Variants in BTBD3 observed in about 807,000 individuals in gnomAD.
BTBD3 encodes BTB domain containing 3, also known as BTB/POZ domain-containing protein 3.
BTBD3 carries 14 observed loss-of-function variants against 41.6 expected under a neutral mutation model. The observed-to-expected ratio is 0.34, with a 90% CI of 0.22 to 0.53. BTBD3 has a LOEUF of 0.53. BTBD3 is among the 20% of genes least tolerant of loss of function. The probability of loss-of-function intolerance (pLI) is 0.95; values close to 1 mark genes in which losing one functional copy is unlikely to be tolerated. For synonymous variants in BTBD3, 249 were observed against 233.7 expected, an observed-to-expected ratio of 1.07 and a Z score of -0.60; for missense variants, 426 against 654.7, an observed-to-expected ratio of 0.65 and a Z score of 3.81.
At chr20:11,920,305 C>A (rs934455030) in intron 3 of BTBD3, among the ~76,000 whole-genome samples, 1 of 152,140 alleles carries the variant, frequency 6.6e-6, no homozygotes, top group Non-Finnish European at 1.5e-5. Context: ...AACTTACCAT[C>A]TGTTGAAATA....
intron 1 of BTBD3, among the ~76,000 whole-genome samples, chr20:11,900,857 G>A (rs907843394): frequency 2.6e-5 from 4 of 151,812 alleles, no homozygotes; most frequent in East Asian, 1.9e-4. Context: ...ATAGGTGCCC[G>A]CCACCATGCC....
At position 11,923,201 on chromosome 20, in the gene BTBD3, G is replaced by A. The variant is rs1307846294; in HGVS notation, c.1104G>A (p.Lys368=). The A allele has an allele frequency of 3.1e-6, 5 of 1,614,220 alleles. No individual in the cohort carries two copies. The East Asian group carries it at 8.9e-5, about 29-fold the overall frequency. The part of the protein sequence containing the change: ...PELQFVSKAR[K]GLVPQRCHRF... ...TTCAGTTTGTGAGTAAAGCCCGTAA[G>A]GGCCTTGTCCCCCAGCGCTGTCACC... The change falls in exon 4 of 4, where the codon AAG becomes AAA. Residue 368 remains lysine (K), a synonymous_variant. Coordinates refer to ENST00000378226, the MANE Select transcript of BTBD3 (RefSeq NM_014962.4). The surrounding 1 kb of genome is among the most constrained non-coding windows in gnomAD (Gnocchi z 5.3).
chr20:11,904,778 G>C (rs2056843709), intron 1 of BTBD3, among the ~76,000 whole-genome samples: 1 of 152,172 alleles, frequency 6.6e-6, no homozygotes, highest in Non-Finnish European at 1.5e-5. Context: ...GATGATTGTG[G>C]ATATTTGATA....
At chr20:11,904,506 C>T (rs938230904) in intron 1 of BTBD3, among the ~76,000 whole-genome samples, 1 of 152,116 alleles carries the variant, frequency 6.6e-6, no homozygotes, top group Admixed American at 6.5e-5. Flanking sequence ...TACAATTACG[C>T]TTACGATAAA....
intron 3 of BTBD3, 22 bp from the exon 4 acceptor site, chr20:11,922,612 A>G (rs1373946696): frequency 1.9e-6 from 3 of 1,576,828 alleles, no homozygotes; most frequent in Non-Finnish European, 1.7e-6. Flanking sequence ...AATTCCACTT[A>G]CATGTTATGT....
At chr20:11,905,431 TTACTC>T (rs1158452574) in intron 1 of BTBD3, among the ~76,000 whole-genome samples, 1 of 152,186 alleles carries the variant, frequency 6.6e-6, no homozygotes, top group Non-Finnish European at 1.5e-5. Flanking sequence ...TTAAAAGTGT[TTACTC>T]AACAGCTGAA....
At chr20:11,897,616 A>G (rs748478912) in intron 1 of BTBD3, among the ~76,000 whole-genome samples, 10 of 151,812 alleles carry the variant, frequency 6.6e-5, no homozygotes, top group Admixed American at 2.6e-4. Flanking sequence ...CAGTTTAACT[A>G]CTTTTCCCAT....
chr20:11,920,468 T>C (rs899860860), intron 3 of BTBD3, among the ~76,000 whole-genome samples: 1 of 152,192 alleles, frequency 6.6e-6, no homozygotes, highest in Admixed American at 6.5e-5. Context: ...AGAAGAACTT[T>C]CATTGGTAAT....
At chr20:11,916,231 A>T (rs2056917074), upstream of BTBD3, among the ~76,000 whole-genome samples, 1 of 152,224 alleles carries the variant, frequency 6.6e-6, no homozygotes, top group African/African-American at 2.4e-5. Context: ...GAAGTGGTCA[A>T]GGAAGTTCAG....
chr20:11,919,162 T>A lies in BTBD3; in HGVS notation c.403T>A (p.Leu135Met). 1 of 1,613,728 alleles carries A rather than the reference T, an allele frequency of 6.2e-7. No homozygotes were observed. The highest frequency in any genetic ancestry group is 1.1e-5 in the South Asian group (1 of 91,012). Residue 135 changes from leucine (L) to methionine (M), a missense_variant, in exon 2 of 4, where the codon TTG (leucine) becomes ATG (methionine). Physicochemically the swap from Leu to Met is conservative, Grantham distance 15. Around this residue, in one of 3 missense-constraint regions of BTBD3, gnomAD observed 321 missense variants for 534.8 expected, o/e 0.60. Coordinates refer to ENST00000378226, the MANE Select transcript of BTBD3 (RefSeq NM_014962.4). ...TGGGCCACCAGGTGGGACTCAACGGTTGCCAGGACACAAAGTAAGCAACAG... is the reference window on the plus strand; with the variant it reads ...TGGGCCACCAGGTGGGACTCAACGGATGCCAGGACACAAAGTAAGCAACAG... ...VVGPPGGTQR[L>M]PGHKYVLAVG... is the part of the protein sequence containing the mutation.
At chr20:11,910,171 GA>G (rs1321412908) in intron 1 of BTBD3, 1 of 151,808 alleles carries the variant, frequency 6.6e-6, no homozygotes, top group Non-Finnish European at 1.5e-5. Context: ...GAAGCTTTTG[GA>G]CTTTGATGAT....
intron 1 of BTBD3, among the ~76,000 whole-genome samples, chr20:11,901,208 T>C (rs1184546425): frequency 1.3e-5 from 2 of 152,230 alleles, no homozygotes; most frequent in Non-Finnish European, 1.5e-5. Flanking sequence ...AGGGAACTGT[T>C]GGTAGCATTC....
At chr20:11,919,509 G>A in intron 2 of BTBD3, 1 of 1,214,422 alleles carries the variant, frequency 8.2e-7, no homozygotes. Flanking sequence ...GGGGACATGT[G>A]CATTAATCTC....
chr20:11,916,636 T>C (rs1451649583), upstream of BTBD3, among the ~76,000 whole-genome samples: 1 of 152,214 alleles, frequency 6.6e-6, no homozygotes, highest in Non-Finnish European at 1.5e-5. Context: ...GTAACCGCCT[T>C]TAGCAGATTA....
At chr20:11,900,832 C>T (rs952360152) in intron 1 of BTBD3, among the ~76,000 whole-genome samples, 2 of 151,752 alleles carry the variant, frequency 1.3e-5, no homozygotes. Flanking sequence ...CTCAGCCTCC[C>T]GAGTAGCTGG....
intron 3 of BTBD3, among the ~76,000 whole-genome samples, chr20:11,921,906 GTTTTA>G (rs1317339550): frequency 6.6e-6 from 1 of 152,116 alleles, no homozygotes; most frequent in Non-Finnish European, 1.5e-5. Context: ...CCTGTGAAGT[GTTTTA>G]TATCCTGAAA....
At chr20:11,912,104 T>C (rs1438283862) in intron 1 of BTBD3, among the ~76,000 whole-genome samples, 2 of 152,172 alleles carry the variant, frequency 1.3e-5, no homozygotes, top group Non-Finnish European at 2.9e-5. Context: ...TTAATGAAAC[T>C]GACCATGAAC....
intron 1 of BTBD3, among the ~76,000 whole-genome samples, chr20:11,908,975 C>T (rs570136644): frequency 4.6e-5 from 7 of 152,152 alleles, no homozygotes; most frequent in Admixed American, 1.3e-4. Context: ...CGGCCAGGCG[C>T]GGTGGCTCAT....
In BTBD3 at chr20:11,917,959, A is replaced by T. The variant is rs998019457; in HGVS notation, c.-317A>T. The T allele has an allele frequency of 6.7e-6, 7 of 1,049,018 alleles. No homozygotes were observed. In the African/African-American group the frequency reaches 1.2e-4, roughly 18 times the overall value. 65.0% of individuals were successfully genotyped at this position (1,049,018 alleles called of 1,614,324 possible). On this transcript the variant is annotated 5_prime_UTR_variant, in exon 1 of 4. Transcript: ENST00000378226. ...AGCCCATCTTGCTGACCTAATTCAG[A>T]AAAGAAGTGCTACAGCTCTGTGCCT...
Sources: gnomAD v4.1 joint callset for allele counts (sites outside exome capture counted in the v4.1 genomes callset) on GRCh38, gnomAD v4.1.1 for gene constraint, gnomAD v4.1.1 regional missense constraint, Gnocchi (gnomAD v3.1) non-coding constraint, MANE v1.5 for transcripts, NCBI Gene and HGNC (gene_info 2026-07-23, HGNC 2026-07-21) for gene names.